SLC12A2: variants seen among roughly 807,000 people sequenced by gnomAD.
The protein encoded by SLC12A2 is solute carrier family 12 member 2.
A neutral mutation model predicts 136.3 loss-of-function variants in SLC12A2; 67 were observed. The ratio of observed to expected loss-of-function variants is 0.49; its 90% CI spans 0.40 to 0.60. The LOEUF is 0.60. SLC12A2 is among the 20% of genes least tolerant of loss of function. SLC12A2 has a pLI of 0.00. For synonymous variants in SLC12A2, 619 were observed against 562.9 expected, an observed-to-expected ratio of 1.10 and a Z score of -1.41; for missense variants, 1,322 against 1,534.7, an observed-to-expected ratio of 0.86 and a Z score of 2.32.
chr5:128,138,877 A>G lies in SLC12A2; in HGVS notation c.1590A>G (p.Thr530=), dbSNP rs773836738. 1.9e-6 allele frequency: 3 copies of G among 1,612,744 alleles called. No individual in the cohort carries two copies. Among genetic ancestry groups the G allele is most frequent in the Non-Finnish European group, 2.5e-6 (3 of 1,179,098 alleles). The part of the protein sequence containing the change: ...KGTLLAILIT[T]LVYVGIAVSV... The stretch of plus-strand genomic sequence containing the variant: ...CACTCCTAGCCATTTTAATTACTAC[A>G]TTGGTTTACGTAGGAATTGCAGTAT... The change falls in exon 9 of 27, where the codon ACA becomes ACG. Residue 530 remains threonine (T), a synonymous_variant. Transcript: ENST00000262461.
chr5:128,160,200 G>T (rs1377303134), intron 16 of SLC12A2, among the ~76,000 whole-genome samples: 1 of 151,952 alleles, frequency 6.6e-6, no homozygotes, highest in African/African-American at 2.4e-5. Flanking sequence ...AGAACACACG[G>T]ACACAGGGAG....
chr5:128,084,715 G>A lies in SLC12A2; in HGVS notation c.756+5G>A. The A allele has an allele frequency of 1.9e-6, 3 of 1,572,116 alleles. No homozygotes were observed. Among genetic ancestry groups the A allele is most frequent in the Non-Finnish European group, 1.7e-6 (2 of 1,157,004 alleles). ...CTCCACGACGAGCTGGAAAAGGTGA[G>A]CTCGCCCAGCCCTCCCTTCTTCCCC... On this transcript the variant is annotated splice_donor_5th_base_variant and intron_variant, in intron 1 of 26. Coordinates refer to ENST00000262461, the MANE Select transcript of SLC12A2 (RefSeq NM_001046.3). The surrounding 1 kb of genome is among the most constrained non-coding windows in gnomAD (Gnocchi z 5.6).
intron 18 of SLC12A2, chr5:128,170,157 T>C (rs1293495892): frequency 6.6e-6 from 1 of 152,210 alleles, no homozygotes; most frequent in East Asian, 1.9e-4. Context: ...TTATAGCTTA[T>C]AACAAAAACA....
intron 4 of SLC12A2, among the ~76,000 whole-genome samples, chr5:128,126,967 T>TATAA (rs1491322749): frequency 3.4e-5 from 1 of 29,658 alleles, no homozygotes; most frequent in African/African-American, 1.9e-4. Flanking sequence ...TATATATATA[T>TATAA]TTTTTTTTTT....
chr5:128,113,735 A>G (rs1349548597), intron 2 of SLC12A2, among the ~76,000 whole-genome samples: 1 of 152,026 alleles, frequency 6.6e-6, no homozygotes, highest in Non-Finnish European at 1.5e-5. Flanking sequence ...AAACTTTTAC[A>G]ACTAATTTGA....
At chr5:128,177,437 AGAT>A (rs915188209) in intron 21 of SLC12A2, 17 of 252,656 alleles carry the variant, frequency 6.7e-5, no homozygotes, top group African/African-American at 2.5e-4. Context: ...TGCATGGTTT[AGAT>A]GATAAGTAGG....
intron 1 of SLC12A2, among the ~76,000 whole-genome samples, chr5:128,088,803 G>C (rs1038109475): frequency 6.6e-6 from 1 of 152,132 alleles, no homozygotes; most frequent in Admixed American, 6.5e-5. Flanking sequence ...CACTTTGCTT[G>C]TTGGATTTTC....
At chr5:128,156,939 T>C (rs541610588) in intron 15 of SLC12A2, among the ~76,000 whole-genome samples, 15 of 152,310 alleles carry the variant, frequency 9.8e-5, no homozygotes, top group African/African-American at 2.9e-4. Context: ...CTAGGAAATA[T>C]ACTGTCTGGC....
intron 1 of SLC12A2, 81 bp from the exon 2 acceptor site, chr5:128,112,733 T>G (rs934557078): frequency 5.7e-6 from 6 of 1,045,964 alleles, no homozygotes; most frequent in Non-Finnish European, 8.4e-6. Context: ...TATGGTTAGA[T>G]GTATTTAGTT....
At chr5:128,179,948 CTTTTTTTTTTT>C (rs70997365) in intron 22 of SLC12A2, among the ~76,000 whole-genome samples, 7 of 50,474 alleles carry the variant, frequency 1.4e-4, no homozygotes, top group East Asian at 5.3e-4. Context: ...CCAATCGTTC[CTTTTTTTTTTT>C]TTTTTTTTTT....
Position 128,114,653 on chromosome 5 carries a change from A to T in SLC12A2, c.1020A>T (p.Ala340=). The T allele has an allele frequency of 6.2e-7, 1 of 1,609,590 alleles. No individual in the cohort carries two copies. Among genetic ancestry groups the T allele is most frequent in the Non-Finnish European group, 8.5e-7 (1 of 1,176,030 alleles). The change falls in exon 4 of 27, where the codon GCA becomes GCT. Residue 340 remains alanine, a synonymous_variant. Coordinates refer to ENST00000262461, the MANE Select transcript of SLC12A2 (RefSeq NM_001046.3). ...CTATCACAGGATTGTCTACTTCAGC[A>T]ATAGCAACTAATGGATTTGTAAGAG... The part of the protein sequence containing the change: ...VTTITGLSTS[A]IATNGFVRGG...
chr5:128,126,966 A>ATATATAATTTTTTTTTT, intron 4 of SLC12A2, among the ~76,000 whole-genome samples: 1 of 21,156 alleles, frequency 4.7e-5, no homozygotes, highest in East Asian at 8.2e-4. Context: ...ATATATATAT[A>ATATATAATTTTTTTTTT]TTTTTTTTTT....
chr5:128,154,547 C>G (rs927134537), intron 15 of SLC12A2, among the ~76,000 whole-genome samples: 2 of 152,140 alleles, frequency 1.3e-5, no homozygotes, highest in African/African-American at 4.8e-5. Context: ...CCTCATATCC[C>G]TCTTTCTCTC....
chr5:128,173,171 C>G (rs1763437023), intron 19 of SLC12A2, among the ~76,000 whole-genome samples: 1 of 152,174 alleles, frequency 6.6e-6, no homozygotes, highest in African/African-American at 2.4e-5. Flanking sequence ...AATCTTCCCT[C>G]TCTTTACCCC....
chr5:128,171,717 G>T lies in SLC12A2; in HGVS notation c.2774G>T (p.Gly925Val), dbSNP rs745891820. The stretch of plus-strand genomic sequence containing the variant: ...GTAGTGGTTATTCGCCTAAAAGAAG[G>T]TCTGGATATATCTCATCTTCAAGGA... Reference protein sequence around the residue: ...YGVVVIRLKEGLDISHLQGQE... With the variant: ...YGVVVIRLKEVLDISHLQGQE... The change falls in exon 19 of 27, where the codon GGT (glycine) becomes GTT (valine). Residue 925 changes from glycine (G) to valine (V), a missense_variant. Gly to Val is a moderately radical substitution (Grantham distance 109). Around this residue, in one of 8 missense-constraint regions of SLC12A2, gnomAD observed 226 missense variants for 210.4 expected, o/e 1.07. Coordinates refer to ENST00000262461, the MANE Select transcript of SLC12A2 (RefSeq NM_001046.3). The T allele has an allele frequency of 1.9e-6, 3 of 1,589,870 alleles. No homozygotes were observed. Among genetic ancestry groups the T allele is most frequent in the African/African-American group, 1.4e-5 (1 of 72,910 alleles).
intron 1 of SLC12A2, among the ~76,000 whole-genome samples, chr5:128,100,513 C>T (rs1297951738): frequency 1.3e-5 from 2 of 152,060 alleles, no homozygotes; most frequent in Non-Finnish European, 2.9e-5. Flanking sequence ...AAATATGAAA[C>T]ACTTCTGGTC....
chr5:128,182,965 A>G (rs1374575667), intron 24 of SLC12A2, 24 bp downstream of exon 24: 1 of 1,466,902 alleles, frequency 6.8e-7, no homozygotes, highest in Non-Finnish European at 9.5e-7. Context: ...CAAATTTCTG[A>G]TCCCTTTATA....
chr5:128,148,507 T>C (rs942646954), intron 11 of SLC12A2, among the ~76,000 whole-genome samples: 1 of 151,810 alleles, frequency 6.6e-6, no homozygotes, highest in Non-Finnish European at 1.5e-5. Context: ...TGATTTCTTC[T>C]TCATAAAATT....
chr5:128,116,362 C>CAT (rs989711833), intron 4 of SLC12A2, among the ~76,000 whole-genome samples: 1 of 147,604 alleles, frequency 6.8e-6, no homozygotes, highest in South Asian at 2.2e-4. Flanking sequence ...TTGTAGTTTA[C>CAT]ATATATATAC....
Sources: gnomAD v4.1 joint callset for allele counts (sites outside exome capture counted in the v4.1 genomes callset) on GRCh38, gnomAD v4.1.1 for gene constraint, gnomAD v4.1.1 regional missense constraint, Gnocchi (gnomAD v3.1) non-coding constraint, MANE v1.5 for transcripts, NCBI Gene and HGNC (gene_info 2026-07-23, HGNC 2026-07-21) for gene names.